ZFHX3: variants seen among roughly 807,000 people sequenced by gnomAD.
ZFHX3 encodes the protein zinc finger homeobox 3.
A neutral mutation model predicts 279.1 loss-of-function variants in ZFHX3; 42 were observed. The observed-to-expected ratio is 0.15, with a 90% CI of 0.12 to 0.19. The LOEUF is 0.19. Ranked by LOEUF, ZFHX3 falls within the 10% of genes least tolerant of loss-of-function variation. ZFHX3 has a pLI of 1.00. For synonymous variants in ZFHX3, 2,293 were observed against 1,957.8 expected (o/e 1.17, Z -4.52); for missense variants, 4,981 against 4,754.0 (o/e 1.05, Z -1.40).
chr16:73,520,293 AC>A (rs1307201860), intron 2 of ZFHX3, among the ~76,000 whole-genome samples: 1 of 152,218 alleles, frequency 6.6e-6, no homozygotes, highest in African/African-American at 2.4e-5. Flanking sequence ...CATAAATTGC[AC>A]CAAATTCTAT....
chr16:73,695,141 A>T (rs967472888), intron 1 of ZFHX3, among the ~76,000 whole-genome samples: 13 of 152,252 alleles, frequency 8.5e-5, no homozygotes, highest in African/African-American at 2.9e-4. Flanking sequence ...GGTGCCAGTC[A>T]GTAAATATTT....
intron 5 of ZFHX3, among the ~76,000 whole-genome samples, chr16:73,163,109 G>T (rs1354795792): frequency 6.6e-6 from 1 of 152,134 alleles, no homozygotes; most frequent in Admixed American, 6.6e-5. Flanking sequence ...ATTCAGTCGG[G>T]ACAACACATG....
intron 2 of ZFHX3, among the ~76,000 whole-genome samples, chr16:73,621,203 A>G (rs967510891): frequency 1.3e-5 from 2 of 152,216 alleles, no homozygotes; most frequent in African/African-American, 4.8e-5. Flanking sequence ...CTCCTTCAGG[A>G]GTACTGGCCT....
At chr16:73,729,521 T>A (rs556675826) in intron 1 of ZFHX3, among the ~76,000 whole-genome samples, 1 of 146,730 alleles carries the variant, frequency 6.8e-6, no homozygotes, top group African/African-American at 2.6e-5. Context: ...AGAATGAGAC[T>A]CCATCTCAAA....
rs530710969 is a variant in ZFHX3 at position 73,729,397 on chromosome 16, C to T, written c.-1607-49157G>A. On this transcript the variant is annotated intron_variant, in intron 1 of 17. Transcript: ENST00000641206. ...TACAAAAATTAGCTGGGTATGATGG[C>T]GCATGCCTGTAATCTCAGCTACTTG... Among the ~76,000 whole-genome samples, 6 of 152,232 alleles carry T rather than the reference C, an allele frequency of 3.9e-5. No individual in the cohort carries two copies. In the East Asian group the frequency reaches 7.7e-4, roughly 20 times the overall value.
Position 72,797,289 on chromosome 16 carries a change from A to G in ZFHX3, c.5393T>C (p.Phe1798Ser). Residue 1798 changes from phenylalanine (F) to serine (S), a missense_variant, in exon 9 of 10, where the codon TTC becomes TCC. By Grantham distance (155) the Phe-to-Ser change is radical. Coordinates refer to ENST00000268489, the MANE Select transcript of ZFHX3 (RefSeq NM_006885.4). ...LQLQQQQHLL[F>S]PFYIPSAEFQ... is the part of the protein sequence containing the mutation. ...CTCAGCACTGGGGATGTAGAAAGGG[A>G]AGAGGAGGTGCTGCTGCTGCTGTAG... 1 of 1,609,134 alleles carries G rather than the reference A, an allele frequency of 6.2e-7. No individual in the cohort carries two copies. The highest frequency in any genetic ancestry group is 1.1e-5 in the South Asian group (1 of 90,434).
At chr16:73,369,102 A>G (rs561976240) in intron 3 of ZFHX3, among the ~76,000 whole-genome samples, 1 of 152,370 alleles carries the variant, frequency 6.6e-6, no homozygotes, top group East Asian at 1.9e-4. Context: ...CACAGTGCTC[A>G]GTAAACGAAA....
intron 1 of ZFHX3, among the ~76,000 whole-genome samples, chr16:73,839,038 C>T (rs1961221792): frequency 6.6e-6 from 1 of 152,016 alleles, no homozygotes; most frequent in African/African-American, 2.4e-5. Context: ...CAAAGGGAAG[C>T]ATCCCAGGCG....
chr16:73,029,311 G>A (rs1368397743), intron 1 of ZFHX3, among the ~76,000 whole-genome samples: 1 of 152,134 alleles, frequency 6.6e-6, no homozygotes, highest in African/African-American at 2.4e-5. Flanking sequence ...ATCACCTTCA[G>A]CCTCTTGACA....
chr16:73,536,020 C>T (rs2019895822), intron 2 of ZFHX3, among the ~76,000 whole-genome samples: 1 of 152,110 alleles, frequency 6.6e-6, no homozygotes, highest in Admixed American at 6.5e-5. Flanking sequence ...CCGCTCTCGG[C>T]CAAGCCCCCC....
At chr16:73,658,461 C>G (rs1333649664) in intron 2 of ZFHX3, among the ~76,000 whole-genome samples, 1 of 152,170 alleles carries the variant, frequency 6.6e-6, no homozygotes, top group Non-Finnish European at 1.5e-5. Context: ...CGCCACCACA[C>G]CCAGCTAATT....
At chr16:73,367,271 G>C (rs1177079886) in intron 3 of ZFHX3, among the ~76,000 whole-genome samples, 1 of 152,170 alleles carries the variant, frequency 6.6e-6, no homozygotes, top group African/African-American at 2.4e-5. Context: ...GGCAGAAAGA[G>C]ATCCCATGAG....
At chr16:72,892,419 T>C (rs540767981) in intron 3 of ZFHX3, among the ~76,000 whole-genome samples, 2 of 152,276 alleles carry the variant, frequency 1.3e-5, no homozygotes, top group African/African-American at 4.8e-5. Context: ...GTGAGTGCAA[T>C]GTTACCTATT....
At chr16:73,089,769 G>A (rs189359753) in intron 8 of ZFHX3, among the ~76,000 whole-genome samples, 3 of 152,194 alleles carry the variant, frequency 2.0e-5, no homozygotes, top group Admixed American at 6.5e-5. Flanking sequence ...ACTAATGATC[G>A]TCAAGCCTTT....
At chr16:72,821,900 C>T (rs974505862) in intron 5 of ZFHX3, 11 of 152,212 alleles carry the variant, frequency 7.2e-5, no homozygotes, top group African/African-American at 1.7e-4. Context: ...AACCATAGAA[C>T]GAGGGGAGAA....
chr16:73,288,368 TA>T, intron 4 of ZFHX3, among the ~76,000 whole-genome samples: 1 of 152,066 alleles, frequency 6.6e-6, no homozygotes, highest in Non-Finnish European at 1.5e-5. Flanking sequence ...CCTATTAGCG[TA>T]AAAAGGAAAA....
chr16:73,458,047 T>A (rs923106686), intron 2 of ZFHX3, among the ~76,000 whole-genome samples: 1 of 152,180 alleles, frequency 6.6e-6, no homozygotes, highest in Non-Finnish European at 1.5e-5. Context: ...TCCTGCACCA[T>A]CCCGCAATAG....
chr16:73,283,499 A>T (rs2014508413), intron 4 of ZFHX3, among the ~76,000 whole-genome samples: 1 of 152,198 alleles, frequency 6.6e-6, no homozygotes, highest in Non-Finnish European at 1.5e-5. Context: ...GCAACTCTCC[A>T]GGCCCGCTAC....
At chr16:73,514,598 C>G (rs2019488690) in intron 2 of ZFHX3, among the ~76,000 whole-genome samples, 1 of 152,186 alleles carries the variant, frequency 6.6e-6, no homozygotes, top group African/African-American at 2.4e-5. Context: ...GTGCACCTAT[C>G]ATCTCATGTA....
Sources: allele counts gnomAD v4.1 joint callset (sites outside exome capture counted in the v4.1 genomes callset), GRCh38; gene constraint gnomAD v4.1.1; transcripts MANE v1.5; gene names NCBI Gene and HGNC (gene_info 2026-07-23, HGNC 2026-07-21).